The following CDH18 variants were observed in gnomAD, a reference collection of about 807,000 sequenced individuals.
CDH18 encodes the protein cadherin 18.
CDH18 carries 31 observed loss-of-function variants against 67.9 expected under a neutral mutation model. The observed-to-expected ratio is 0.46, with a 90% CI of 0.34 to 0.62. CDH18 has a LOEUF of 0.62. Among genes scored for constraint, CDH18 ranks in the 20% least tolerant of loss-of-function variants. CDH18 has a pLI of 0.01. For synonymous variants in CDH18, 362 were observed against 347.2 expected, an observed-to-expected ratio of 1.04 and a Z score of -0.48; for missense variants, 890 against 975.5, an observed-to-expected ratio of 0.91 and a Z score of 1.17.
chr5:20,406,199 A>T (rs1016408963), intron 1 of CDH18, among the ~76,000 whole-genome samples: 1 of 152,198 alleles, frequency 6.6e-6, no homozygotes, highest in Non-Finnish European at 1.5e-5. Flanking sequence ...TCCAACAATG[A>T]TAGACTGGAT....
chr5:20,573,671 T>A (rs1198796456), intron 1 of CDH18, among the ~76,000 whole-genome samples: 1 of 150,638 alleles, frequency 6.6e-6, no homozygotes, highest in Non-Finnish European at 1.5e-5. Context: ...AAGGTTATAA[T>A]AGATTTAAAA....
chr5:20,236,921 A>T (rs1221883564), intron 2 of CDH18, among the ~76,000 whole-genome samples: 1 of 152,014 alleles, frequency 6.6e-6, no homozygotes, highest in Non-Finnish European at 1.5e-5. Flanking sequence ...TTCAAATAAC[A>T]TGCTAGCAAA....
At chr5:19,962,500 G>A (rs764868489) in intron 2 of CDH18, among the ~76,000 whole-genome samples, 2 of 151,586 alleles carry the variant, frequency 1.3e-5, no homozygotes, top group African/African-American at 2.4e-5. Flanking sequence ...GGGGCGGGGC[G>A]TGGTGGCTCA....
At chr5:19,916,683 C>A (rs146794205) in intron 2 of CDH18, among the ~76,000 whole-genome samples, 239 of 152,224 alleles carry the variant, frequency 1.6e-3, no homozygotes, top group South Asian at 4.8e-3. Context: ...CAATAGAGTT[C>A]TATTTTTTAA....
intron 2 of CDH18, among the ~76,000 whole-genome samples, chr5:19,846,643 C>T (rs1429050974): frequency 6.6e-6 from 1 of 152,078 alleles, no homozygotes; most frequent in Non-Finnish European, 1.5e-5. Flanking sequence ...TCCACATGAC[C>T]AACTGCTGGA....
In CDH18 at chr5:19,780,997, C is replaced by A. The variant is rs565394378; in HGVS notation, c.229-33761G>T. Among the ~76,000 whole-genome samples, 4 of 152,106 alleles carry A rather than the reference C, an allele frequency of 2.6e-5. 1 individual carries two copies. In the South Asian group the frequency reaches 8.3e-4, roughly 32 times the overall value. ...AATACAGCAAGTCAAATATTTAAAA[C>A]GCCTGTAGAAGCAAAGAAAAACTCA... On this transcript the variant is annotated intron_variant, in intron 3 of 12. Transcript: ENST00000382275.
chr5:19,802,037 A>G (rs1333527603), intron 3 of CDH18, among the ~76,000 whole-genome samples: 1 of 152,196 alleles, frequency 6.6e-6, no homozygotes, highest in Non-Finnish European at 1.5e-5. Flanking sequence ...AACAATGACA[A>G]TCCTACATTA....
chr5:20,371,728 A>G (rs936597043), intron 1 of CDH18, among the ~76,000 whole-genome samples: 7 of 152,190 alleles, frequency 4.6e-5, no homozygotes, highest in African/African-American at 9.7e-5. Flanking sequence ...CAGCACATGG[A>G]AAGTTCCTAA....
intron 2 of CDH18, among the ~76,000 whole-genome samples, chr5:20,041,548 A>G (rs1020691483): frequency 3.3e-5 from 5 of 152,240 alleles, no homozygotes; most frequent in Non-Finnish European, 7.3e-5. Flanking sequence ...GTGGAAACAA[A>G]TATGCAAGCT....
At chr5:20,353,295 G>A (rs61578001) in intron 1 of CDH18, among the ~76,000 whole-genome samples, 277 of 152,158 alleles carry the variant, frequency 1.8e-3, no homozygotes, top group African/African-American at 6.3e-3. Flanking sequence ...GCATACATGC[G>A]CTTGCCAGTA....
chr5:20,345,196 A>G (rs547686928), intron 1 of CDH18, among the ~76,000 whole-genome samples: 2 of 152,148 alleles, frequency 1.3e-5, no homozygotes, highest in Admixed American at 6.5e-5. Context: ...GGAGAGGTCA[A>G]ATATTATTTG....
At chr5:20,300,812 A>C (rs1472181563) in intron 1 of CDH18, among the ~76,000 whole-genome samples, 1 of 152,236 alleles carries the variant, frequency 6.6e-6, no homozygotes, top group African/African-American at 2.4e-5. Context: ...CATTTTCACT[A>C]AAATAGTTTG....
At chr5:20,121,324 T>G (rs1748333208) in intron 2 of CDH18, among the ~76,000 whole-genome samples, 1 of 152,314 alleles carries the variant, frequency 6.6e-6, no homozygotes. Flanking sequence ...CAGGAAGGAT[T>G]AAAGAAAATG....
At chr5:19,621,044 A>G (rs1354893703) in intron 5 of CDH18, among the ~76,000 whole-genome samples, 4 of 152,200 alleles carry the variant, frequency 2.6e-5, no homozygotes, top group Admixed American at 2.6e-4. Context: ...GGCAAAAAAG[A>G]AAATTAAACT....
chr5:19,938,999 A>G (rs554079581), intron 2 of CDH18, among the ~76,000 whole-genome samples: 1 of 151,270 alleles, frequency 6.6e-6, no homozygotes, highest in East Asian at 2.0e-4. Flanking sequence ...TAAACTTCTA[A>G]GAAGTTCATA....
At chr5:20,309,399 GA>G (rs1454111802) in intron 1 of CDH18, among the ~76,000 whole-genome samples, 1 of 151,844 alleles carries the variant, frequency 6.6e-6, no homozygotes, top group Admixed American at 6.6e-5. Flanking sequence ...CATGTCCAAA[GA>G]ATCAGAAAAT....
intron 2 of CDH18, among the ~76,000 whole-genome samples, chr5:20,124,164 T>C (rs1020371668): frequency 6.6e-6 from 1 of 151,934 alleles, no homozygotes; most frequent in African/African-American, 2.4e-5. Context: ...AAAGGGGAGG[T>C]AAGAAGAATC....
At position 20,009,406 on chromosome 5, in the gene CDH18, G is replaced by T. The variant is rs549168142; in HGVS notation, c.-517-17392C>A. 2.0e-5 allele frequency among the ~76,000 whole-genome samples: 3 copies of T among 152,146 alleles called. No individual in the cohort carries two copies. In the South Asian group the frequency reaches 6.2e-4, roughly 32 times the overall value. ...AATGTACTATGTTTGCAGTATTTCA[G>T]GGGGTTGAGAACTGTACTCTCTCTT... On this transcript the variant is annotated intron_variant, in intron 2 of 14. Coordinates refer to the CDH18 transcript ENST00000507958.
In CDH18 at chr5:20,398,724, A is replaced by G. The variant is rs538058117; in HGVS notation, c.-579-143219T>C. Among the ~76,000 whole-genome samples the G allele has an allele frequency of 2.0e-5, 3 of 151,954 alleles. No homozygotes were observed. In the South Asian group the frequency reaches 6.3e-4, roughly 32 times the overall value. On this transcript the variant is annotated intron_variant, in intron 1 of 14. Coordinates refer to the CDH18 transcript ENST00000507958. ...CGGCACACGTATAACCATGTAAAAA[A>G]CCACCACGGCACACGTATACCTACA...
Sources: allele counts gnomAD v4.1 joint callset (sites outside exome capture counted in the v4.1 genomes callset), GRCh38; gene constraint gnomAD v4.1.1; transcripts MANE v1.5; gene names NCBI Gene and HGNC (gene_info 2026-07-23, HGNC 2026-07-21).